OPCML: variants seen among roughly 807,000 people sequenced by gnomAD.
OPCML encodes the protein opioid-binding protein/cell adhesion molecule.
Under a neutral mutation model 37.8 loss-of-function variants are expected in OPCML, and 13 were observed. That is an observed-to-expected ratio of 0.34 (90% CI 0.22 to 0.55). The LOEUF (loss-of-function observed/expected upper bound fraction) is 0.55. Ranked by LOEUF, OPCML falls within the 20% of genes least tolerant of loss-of-function variation. OPCML has a pLI of 0.91. For synonymous variants in OPCML, 176 were observed against 168.8 expected, an observed-to-expected ratio of 1.04 and a Z score of -0.33; for missense variants, 341 against 435.6, an observed-to-expected ratio of 0.78 and a Z score of 1.93.
At chr11:133,515,996 C>T (rs758223668) in intron 1 of OPCML, among the ~76,000 whole-genome samples, 1 of 152,076 alleles carries the variant, frequency 6.6e-6, no homozygotes, top group Admixed American at 6.5e-5. Context: ...CCCATGCCTG[C>T]TCAACACAAC....
intron 2 of OPCML, among the ~76,000 whole-genome samples, chr11:132,731,766 T>A (rs1218546207): frequency 2.0e-5 from 3 of 152,202 alleles, no homozygotes; most frequent in African/African-American, 7.2e-5. Context: ...GGGTTGGGGA[T>A]ACTAAGGAAA....
intron 1 of OPCML, among the ~76,000 whole-genome samples, chr11:133,434,670 T>A (rs1946194001): frequency 6.6e-6 from 1 of 151,736 alleles, no homozygotes; most frequent in Non-Finnish European, 1.5e-5. Context: ...CTTTGGTTCT[T>A]CCAATGGGAG....
At chr11:133,498,337 GC>G (rs1341254548) in intron 1 of OPCML, among the ~76,000 whole-genome samples, 1 of 152,166 alleles carries the variant, frequency 6.6e-6, no homozygotes, top group Non-Finnish European at 1.5e-5. Context: ...TAGAGACAAT[GC>G]CAGAGCCAAA....
At chr11:133,511,272 A>C (rs113818822) in intron 1 of OPCML, among the ~76,000 whole-genome samples, 3 of 152,308 alleles carry the variant, frequency 2.0e-5, no homozygotes, top group African/African-American at 4.8e-5. Flanking sequence ...AAGCTTTAGC[A>C]ACCAGAATGT....
At chr11:133,318,436 C>G (rs1032474912) in intron 1 of OPCML, among the ~76,000 whole-genome samples, 3 of 152,220 alleles carry the variant, frequency 2.0e-5, no homozygotes, top group South Asian at 4.1e-4. Flanking sequence ...GCAAGAATCT[C>G]GTTTGGTCTG....
intron 3 of OPCML, among the ~76,000 whole-genome samples, chr11:132,586,763 C>T (rs1251693203): frequency 1.3e-5 from 2 of 152,080 alleles, no homozygotes; most frequent in African/African-American, 4.8e-5. Flanking sequence ...GGTGTGTTTA[C>T]TCCACAGAGA....
intron 1 of OPCML, among the ~76,000 whole-genome samples, chr11:133,081,658 G>C (rs1348535212): frequency 6.6e-6 from 1 of 152,162 alleles, no homozygotes; most frequent in African/African-American, 2.4e-5. Flanking sequence ...TCCTGCTCTA[G>C]GGGGATCCTG....
intron 2 of OPCML, among the ~76,000 whole-genome samples, chr11:132,803,030 C>T (rs1182254226): frequency 3.3e-5 from 5 of 152,212 alleles, no homozygotes; most frequent in African/African-American, 4.8e-5. Context: ...AGCTCCCACT[C>T]TAACAAGCAA....
chr11:133,334,767 C>A lies in OPCML; in HGVS notation c.61+197497G>T, dbSNP rs117189985. On this transcript the variant is annotated intron_variant, in intron 1 of 7. Coordinates refer to ENST00000524381, the MANE Select transcript of OPCML (RefSeq NM_001012393.5). ...TGTACCAGTGAGTGAGAGCCAAGAG[C>A]CCCATAATCAATGGACTTTGGTGAG... Among the ~76,000 whole-genome samples, 43 of 152,298 alleles carry A rather than the reference C, an allele frequency of 2.8e-4. No homozygotes were observed. In the East Asian group the frequency reaches 7.8e-3, roughly 27 times the overall value.
At chr11:133,375,266 C>A (rs1370794329) in intron 1 of OPCML, among the ~76,000 whole-genome samples, 1 of 152,246 alleles carries the variant, frequency 6.6e-6, no homozygotes, top group Non-Finnish European at 1.5e-5. Context: ...ATGATTGTTA[C>A]ATACATAAGT....
chr11:133,019,593 A>G (rs1381488356), intron 1 of OPCML, among the ~76,000 whole-genome samples: 1 of 152,192 alleles, frequency 6.6e-6, no homozygotes, highest in African/African-American at 2.4e-5. Context: ...TAAGTTTTAG[A>G]AAAAAGGAGC....
At chr11:132,672,931 C>G (rs1482466436) in intron 2 of OPCML, among the ~76,000 whole-genome samples, 1 of 151,998 alleles carries the variant, frequency 6.6e-6, no homozygotes, top group African/African-American at 2.4e-5. Flanking sequence ...GGTAAATGAA[C>G]ATGAGGAATG....
chr11:133,229,727 G>GA (rs1218210312), intron 1 of OPCML, among the ~76,000 whole-genome samples: 1 of 152,180 alleles, frequency 6.6e-6, no homozygotes, highest in Non-Finnish European at 1.5e-5. Context: ...ATCCTCTGGG[G>GA]GGCTTGGAGT....
chr11:133,147,158 A>G (rs1007405787), intron 1 of OPCML, among the ~76,000 whole-genome samples: 5 of 152,294 alleles, frequency 3.3e-5, no homozygotes, highest in Non-Finnish European at 5.9e-5. Flanking sequence ...ATAGCTCTTC[A>G]GGGGGGTGTT....
chr11:133,014,538 A>G (rs1947283334), intron 1 of OPCML, among the ~76,000 whole-genome samples: 1 of 152,176 alleles, frequency 6.6e-6, no homozygotes, highest in South Asian at 2.1e-4. Context: ...AAGTATCACT[A>G]GCCATCTGTC....
chr11:133,304,107 C>T (rs1300500437), intron 1 of OPCML, among the ~76,000 whole-genome samples: 4 of 152,246 alleles, frequency 2.6e-5, no homozygotes, highest in South Asian at 2.1e-4. Flanking sequence ...TAGAGATGTT[C>T]GCACAAGGGA....
intron 1 of OPCML, among the ~76,000 whole-genome samples, chr11:133,326,471 T>C (rs1943459175): frequency 9.1e-6 from 1 of 109,790 alleles, no homozygotes; most frequent in Non-Finnish European, 1.8e-5. Context: ...GGGGTGTGTG[T>C]GTATGTGTAT....
At chr11:133,156,728 G>A (rs1184263488) in intron 1 of OPCML, among the ~76,000 whole-genome samples, 1 of 152,150 alleles carries the variant, frequency 6.6e-6, no homozygotes, top group Non-Finnish European at 1.5e-5. Context: ...ATTAAATGGT[G>A]TCCCTTGGGT....
chr11:132,824,134 T>C (rs1214975887), intron 2 of OPCML, among the ~76,000 whole-genome samples: 2 of 152,178 alleles, frequency 1.3e-5, no homozygotes, highest in Non-Finnish European at 2.9e-5. Context: ...GATCTCCTCA[T>C]TTTAGCTTAT....
Sources: allele counts gnomAD v4.1 joint callset (sites outside exome capture counted in the v4.1 genomes callset), GRCh38; gene constraint gnomAD v4.1.1; transcripts MANE v1.5; gene names NCBI Gene and HGNC (gene_info 2026-07-23, HGNC 2026-07-21).